Variants in VWF observed in about 807,000 individuals in gnomAD.
The protein encoded by VWF is Factor VIII related antigen.
In VWF, 176 loss-of-function variants were observed where a neutral mutation model predicts 308.6. That is an observed-to-expected ratio of 0.57 (90% CI 0.50 to 0.65). The LOEUF (loss-of-function observed/expected upper bound fraction) is 0.65. VWF is among the 30% of genes least tolerant of loss of function. The pLI, the probability that VWF is intolerant of heterozygous loss-of-function variation, is 0.00. For synonymous variants in VWF, 1,385 were observed against 1,443.4 expected (o/e 0.96, Z 0.92); for missense variants, 3,146 against 3,648.2 (o/e 0.86, Z 3.55).
intron 2 of VWF, among the ~76,000 whole-genome samples, chr12:6,122,133 G>T (rs1945439186): frequency 6.6e-6 from 1 of 152,134 alleles, no homozygotes; most frequent in African/African-American, 2.4e-5. Context: ...TTTCTCAATA[G>T]ATTGTAAACA....
intron 16 of VWF, 35 bp downstream of exon 16, chr12:6,052,507 GT>G (rs1944526633): frequency 1.2e-6 from 2 of 1,613,944 alleles, no homozygotes; most frequent in Admixed American, 3.3e-5. Context: ...CAGCTCTGCT[GT>G]TTTAGAGGTC....
chr12:6,057,536 A>G (rs1449522832), intron 14 of VWF, among the ~76,000 whole-genome samples: 1 of 139,668 alleles, frequency 7.2e-6, no homozygotes, highest in Non-Finnish European at 1.6e-5. Context: ...TTTTAATAGA[A>G]ATGGGGGCTC....
At chr12:6,115,185 T>C (rs920850735) in intron 3 of VWF, among the ~76,000 whole-genome samples, 2 of 152,042 alleles carry the variant, frequency 1.3e-5, no homozygotes, top group African/African-American at 2.4e-5. Context: ...TACAGGTGTG[T>C]GCCACCATGC....
At position 6,056,924 on chromosome 12, in the gene VWF, C is replaced by T; in HGVS notation, c.1878G>A (p.Leu626=). The part of the protein sequence containing the change: ...SDGRECLCGA[L]ASYAAACAGR... ...CCGCGCAGGCCGCGGCATAGCTGGC[C>T]AGGGCGCCGCACAGGCACTCGCGGC... Residue 626 remains leucine, a synonymous_variant, in exon 15 of 52, where the codon CTG becomes CTA. Coordinates refer to ENST00000261405, the MANE Select transcript of VWF (RefSeq NM_000552.5). 6.5e-7 allele frequency: 1 copy of T among 1,533,310 alleles called. No homozygotes were observed. Among genetic ancestry groups the T allele is most frequent in the Non-Finnish European group, 8.7e-7 (1 of 1,145,542 alleles). The allele number at this position is 1,533,310 out of a possible 1,614,324, so 95.0% of individuals were successfully genotyped here.
chr12:6,103,323 T>C (rs1281872202), intron 5 of VWF, among the ~76,000 whole-genome samples: 1 of 150,902 alleles, frequency 6.6e-6, no homozygotes, highest in African/African-American at 2.4e-5. Context: ...CGAGACTCCG[T>C]CTCAAAAAAT....
chr12:6,104,046 C>T (rs1370700358), intron 5 of VWF, among the ~76,000 whole-genome samples: 1 of 152,046 alleles, frequency 6.6e-6, no homozygotes, highest in African/African-American at 2.4e-5. Context: ...ATCCAGAATA[C>T]ACAAGGAACT....
chr12:6,055,761 T>TATACACACACACACAC (rs1555198146), intron 15 of VWF, among the ~76,000 whole-genome samples: 1 of 135,246 alleles, frequency 7.4e-6, no homozygotes, highest in Non-Finnish European at 1.6e-5. Flanking sequence ...TATATATGTA[T>TATACACACACACACAC]ACACACACAC....
At chr12:6,068,521 G>A (rs1944744072) in intron 10 of VWF, among the ~76,000 whole-genome samples, 1 of 152,024 alleles carries the variant, frequency 6.6e-6, no homozygotes, top group African/African-American at 2.4e-5. Context: ...CCGGCGTGGA[G>A]TGCAGTGGCG....
chr12:6,078,555 A>G (rs1264110002), intron 6 of VWF, among the ~76,000 whole-genome samples: 1 of 152,140 alleles, frequency 6.6e-6, no homozygotes, highest in Non-Finnish European at 1.5e-5. Context: ...CCCACCCACA[A>G]TTTGAAACTA....
chr12:6,031,587 AGAG>A lies in VWF; in HGVS notation c.2686-12_2686-10del. The A allele has an allele frequency of 6.2e-7, 1 of 1,613,970 alleles. No homozygotes were observed. The highest frequency in any genetic ancestry group is 2.2e-5 in the East Asian group (1 of 44,864). ...TTACTGCCGCAGTAATCCTGGGGAA[AGAG>A]GAGTGCCAGGAGAAGACCATTATCC... On this transcript the variant is annotated splice_polypyrimidine_tract_variant and intron_variant, in intron 20 of 51. Coordinates refer to ENST00000261405, the MANE Select transcript of VWF (RefSeq NM_000552.5).
chr12:6,095,836 G>C, intron 5 of VWF: 2 of 466,846 alleles, frequency 4.3e-6, no homozygotes, highest in Admixed American at 6.3e-5. Context: ...AGGCAACCCA[G>C]TTGTCCCCCA....
chr12:6,032,884 ACACG>A (rs976638142), intron 20 of VWF, among the ~76,000 whole-genome samples: 18 of 140,948 alleles, frequency 1.3e-4, no homozygotes, highest in Admixed American at 5.5e-4. Context: ...ATACACACAC[ACACG>A]CATACACATA....
Position 5,996,110 on chromosome 12 carries a change from C to T in VWF, c.5955G>A (p.Glu1985=), listed in dbSNP as rs1376886226. 4.3e-6 allele frequency: 7 copies of T among 1,613,988 alleles called. No homozygotes were observed. The Admixed American group carries it at 1.0e-4, about 23-fold the overall frequency. Residue 1985 remains glutamate (E), a synonymous_variant, in exon 35 of 52, where the codon GAG becomes GAA. Coordinates refer to ENST00000261405, the MANE Select transcript of VWF (RefSeq NM_000552.5). ...VLFQNKEQDL[E]VILHNGACSP... is the part of the protein sequence containing the mutation. ...TGCAGGCACCATTATGGAGAATCAC[C>T]TCCAGGTCCTGCTCCTTGTTTTGAA...
At chr12:5,991,757 T>C (rs554996408) in intron 38 of VWF, 62 bp downstream of exon 38, 3 of 1,573,508 alleles carry the variant, frequency 1.9e-6, no homozygotes, top group Admixed American at 1.7e-5. Context: ...CTGGTGAACA[T>C]ATCTCCCTTT....
chr12:6,025,448 C>G, intron 24 of VWF, 132 bp downstream of exon 24: 1 of 770,896 alleles, frequency 1.3e-6, no homozygotes. Flanking sequence ...GAAAAAAAGC[C>G]GAAGTGGTGT....
chr12:6,032,317 A>G (rs1944273418), intron 20 of VWF, among the ~76,000 whole-genome samples: 1 of 142,246 alleles, frequency 7.0e-6, no homozygotes, highest in Admixed American at 7.1e-5. Context: ...ACAGAGCGAG[A>G]CTCCATCTCA....
In VWF at chr12:6,052,652, G is replaced by C; in HGVS notation, c.2077C>G (p.Leu693Val). ...CLEGCFCPPGLYMDERGDCVP... is the reference protein window; with the variant it reads ...CLEGCFCPPGVYMDERGDCVP... ...CAGTCCCCCCTCTCATCCATGTAGAGCCCTGGGGGGCAGAAGCAGCCCTCC... is the reference window on the plus strand; with the variant it reads ...CAGTCCCCCCTCTCATCCATGTAGACCCCTGGGGGGCAGAAGCAGCCCTCC... Residue 693 changes from leucine to valine, a missense_variant, in exon 16 of 52, where the codon CTC (leucine) becomes GTC (valine). By Grantham distance (32) the Leu-to-Val change is conservative. Transcript: ENST00000261405. The C allele has an allele frequency of 1.2e-6, 2 of 1,614,246 alleles. No homozygotes were observed. The highest frequency in any genetic ancestry group is 1.7e-6 in the Non-Finnish European group (2 of 1,180,046).
chr12:5,990,348 A>C (rs1943724517), intron 38 of VWF, among the ~76,000 whole-genome samples: 1 of 152,152 alleles, frequency 6.6e-6, no homozygotes, highest in African/African-American at 2.4e-5. Context: ...CATCCATTCA[A>C]TAGGATGTGC....
intron 34 of VWF, among the ~76,000 whole-genome samples, chr12:6,009,421 T>C (rs1412306987): frequency 2.5e-5 from 2 of 81,348 alleles, no homozygotes; most frequent in Non-Finnish European, 4.9e-5. Flanking sequence ...GAATGGCCAT[T>C]ATCAAACACA....
Sources: gnomAD v4.1 joint callset for allele counts (sites outside exome capture counted in the v4.1 genomes callset) on GRCh38, gnomAD v4.1.1 for gene constraint, MANE v1.5 for transcripts, NCBI Gene and HGNC (gene_info 2026-07-23, HGNC 2026-07-21) for gene names.